Variants in LBX2 observed in about 807,000 individuals in gnomAD.
LBX2 encodes the protein ladybird homeobox 2.
LBX2 carries 6 observed loss-of-function variants against 7.5 expected under a neutral mutation model. The ratio of observed to expected loss-of-function variants is 0.80; its 90% CI spans 0.44 to 1.59. The LOEUF (loss-of-function observed/expected upper bound fraction) is 1.59, where lower values mean the gene tolerates loss of function less well. LBX2 is among the 40% of genes most tolerant of loss of function. The pLI is 0.01. For missense variants in LBX2, 281 were observed against 282.0 expected (o/e 1.00, Z 0.03); for synonymous variants, 143 against 133.2 (o/e 1.07, Z -0.51).
chr2:74,502,385 A>C, upstream of LBX2: 2 of 464,140 alleles, frequency 4.3e-6, no homozygotes, highest in Non-Finnish European at 3.8e-6. This position sits in a 1 kb window ranked among gnomAD's most constrained non-coding sequence, Gnocchi z 5.4. Flanking sequence ...CGGACATTCC[A>C]CTGAATTCTG....
At chr2:74,498,905 C>T (rs1331118319) in intron 1 of LBX2, 1 of 222,364 alleles carries the variant, frequency 4.5e-6, no homozygotes, top group African/African-American at 2.3e-5. Context: ...TCCTTGACTC[C>T]CCTCGAGAAG....
Position 74,497,873 on chromosome 2 carries a change from C to G in LBX2, c.*54G>C. 1 of 1,473,530 alleles carries G rather than the reference C, an allele frequency of 6.8e-7. No individual in the cohort carries two copies. The highest frequency in any genetic ancestry group is 1.4e-5 in the African/African-American group (1 of 70,688). 91.3% of individuals were successfully genotyped at this position (1,473,530 alleles called of 1,614,324 possible). ...CCTGGAACTCTGGCCAGAGGCAGAG[C>G]GCGAGGTGAGGAGTCCAGGGCCCCA... On this transcript the variant is annotated 3_prime_UTR_variant, in exon 2 of 2. Transcript: ENST00000377566.
intron 1 of LBX2, 109 bp from the exon 2 acceptor site, chr2:74,498,427 A>T: frequency 1.2e-6 from 1 of 822,658 alleles, no homozygotes; most frequent in Non-Finnish European, 1.8e-6. Context: ...AAGTAGAGGG[A>T]GAGCCAGGAA....
rs1034594973 is a variant in LBX2, at chr2:74,499,159, G to A, written c.205+174C>T. On this transcript the variant is annotated intron_variant, in intron 1 of 1. Transcript: ENST00000377566. The surrounding 1 kb of genome is among the most constrained non-coding windows in gnomAD (Gnocchi z 4.6). ...TTCCGGAGCCGCCGCGGAACCTAGG[G>A]ACTAACGGAGGAGAGGTGAGAAGTC... 3 of 641,538 alleles carry A rather than the reference G, an allele frequency of 4.7e-6. No individual in the cohort carries two copies. Among genetic ancestry groups the A allele is most frequent in the African/African-American group, 3.7e-5 (2 of 54,762 alleles). 39.7% of individuals were successfully genotyped at this position (641,538 alleles called of 1,614,324 possible).
chr2:74,502,064 C>T (rs1162278523), upstream of LBX2: 2 of 151,798 alleles, frequency 1.3e-5, no homozygotes, highest in East Asian at 1.9e-4. The surrounding 1 kb of genome is among the most constrained non-coding windows in gnomAD (Gnocchi z 5.4). Context: ...CTTGTGTTTC[C>T]CACCTTCTCA....
In LBX2 at chr2:74,498,163, G is replaced by A. The variant is rs780491779; in HGVS notation, c.361C>T (p.Arg121Ter). 2.0e-5 allele frequency: 33 copies of A among 1,612,398 alleles called. No homozygotes were observed. Among genetic ancestry groups the A allele is most frequent in the African/African-American group, 2.7e-5 (2 of 74,950 alleles). Residue 121 changes from arginine to a stop codon, truncating the protein, a stop_gained, in exon 2 of 2, where the codon CGA (arginine) becomes TGA (stop). Transcript: ENST00000377566. LOFTEE classifies it low-confidence loss of function (END_TRUNC). ...ACCTGCGCGTTGGCCAGGCCGAGTC[G>A]CGTAGCTAGCCCGTCTCGCTCGGAC... ...APSERDGLATRLGLANAQVVT... is the reference protein window; with the variant it reads ...APSERDGLAT
chr2:74,498,553 G>T (rs1572972679), intron 1 of LBX2: 2 of 556,542 alleles, frequency 3.6e-6, no homozygotes, highest in East Asian at 6.0e-5. Flanking sequence ...AGGGCATATT[G>T]TAGGGGCAAG....
rs199935347 is a variant in LBX2 at position 74,497,588 on chromosome 2, T to TA, written c.*338dup. 2,014 of 206,420 alleles carry TA rather than the reference T, an allele frequency of 9.8e-3. No individual in the cohort carries two copies. Among genetic ancestry groups the TA allele is most frequent in the Middle Eastern group, 0.022 (13 of 588 alleles). 12.8% of individuals were successfully genotyped at this position (206,420 alleles called of 1,614,324 possible). ...GGACAACATAGCGGGACCTCCTCTCTAAAAAAAAAAGTTTTTTAAATTAGC... is the reference window on the plus strand; with the variant it reads ...GGACAACATAGCGGGACCTCCTCTCTAAAAAAAAAAAGTTTTTTAAATTAGC... On this transcript the variant is annotated 3_prime_UTR_variant, in exon 2 of 2. Transcript: ENST00000377566.
At chr2:74,498,396 T>G in intron 1 of LBX2, 78 bp from the exon 2 acceptor site, 3 of 1,237,814 alleles carry the variant, frequency 2.4e-6, no homozygotes, top group Middle Eastern at 2.9e-4. Flanking sequence ...GGGGGTGGGG[T>G]CGGGCCGGTG....
chr2:74,502,882 A>G (rs777326509), upstream of LBX2: 14 of 1,575,294 alleles, frequency 8.9e-6, no homozygotes, highest in South Asian at 1.6e-4. This position sits in a 1 kb window ranked among gnomAD's most constrained non-coding sequence, Gnocchi z 5.4. Context: ...AAGACTGGCC[A>G]GGCTGAGAGA....
chr2:74,502,127 TG>T (rs1162674144), upstream of LBX2: 1 of 153,470 alleles, frequency 6.5e-6, no homozygotes, highest in African/African-American at 2.4e-5. The surrounding 1 kb of genome is among the most constrained non-coding windows in gnomAD (Gnocchi z 5.4). Flanking sequence ...TCCCTCCCCT[TG>T]TAGAGATCCC....
At chr2:74,499,986 G>C (rs1263734841), upstream of LBX2, among the ~76,000 whole-genome samples, 1 of 152,172 alleles carries the variant, frequency 6.6e-6, no homozygotes, top group African/African-American at 2.4e-5. The surrounding 1 kb of genome is among the most constrained non-coding windows in gnomAD (Gnocchi z 4.6). Context: ...TCTGAGGAAG[G>C]CTATCAGGGC....
chr2:74,498,910 G>A (rs1397365988), intron 1 of LBX2: 1 of 226,042 alleles, frequency 4.4e-6, no homozygotes, highest in African/African-American at 2.3e-5. Context: ...GACTCCCCTC[G>A]AGAAGAGAGT....
At chr2:74,500,928 C>T (rs1646289132), upstream of LBX2, among the ~76,000 whole-genome samples, 1 of 152,180 alleles carries the variant, frequency 6.6e-6, no homozygotes, top group South Asian at 2.1e-4. Context: ...ATGTCACTTT[C>T]CTTGTAGACC....
At chr2:74,502,308 AC>A (rs984713685), upstream of LBX2, 1 of 271,876 alleles carries the variant, frequency 3.7e-6, no homozygotes, top group Non-Finnish European at 6.9e-6. This position sits in a 1 kb window ranked among gnomAD's most constrained non-coding sequence, Gnocchi z 5.4. Flanking sequence ...CCCCCGCTCG[AC>A]CCCGTTCCCC....
At chr2:74,498,739 T>C (rs756657891) in intron 1 of LBX2, 39 of 211,710 alleles carry the variant, frequency 1.8e-4, no homozygotes, top group Non-Finnish European at 3.3e-4. Flanking sequence ...ACTTAGATCA[T>C]GCCCTTCCAT....
At chr2:74,499,797 C>T, upstream of LBX2, 1 of 561,856 alleles carries the variant, frequency 1.8e-6, no homozygotes, top group Non-Finnish European at 3.2e-6. This position sits in a 1 kb window ranked among gnomAD's most constrained non-coding sequence, Gnocchi z 4.6. Context: ...AACTACCCAC[C>T]AGAGCAGGGC....
chr2:74,499,984 A>G (rs1674451251), upstream of LBX2, among the ~76,000 whole-genome samples: 1 of 152,168 alleles, frequency 6.6e-6, no homozygotes, highest in Admixed American at 6.5e-5. This position sits in a 1 kb window ranked among gnomAD's most constrained non-coding sequence, Gnocchi z 4.6. Context: ...GTTCTGAGGA[A>G]GGCTATCAGG....
At chr2:74,499,661 TC>T, upstream of LBX2, 1 of 1,027,828 alleles carries the variant, frequency 9.7e-7, no homozygotes, top group Non-Finnish European at 1.4e-6. The surrounding 1 kb of genome is among the most constrained non-coding windows in gnomAD (Gnocchi z 4.6). Flanking sequence ...TGGGCCCGAG[TC>T]CCGTGTGCCC....
Sources: allele counts gnomAD v4.1 joint callset (sites outside exome capture counted in the v4.1 genomes callset), GRCh38; gene constraint gnomAD v4.1.1; non-coding constraint Gnocchi (gnomAD v3.1); transcripts MANE v1.5; gene names NCBI Gene and HGNC (gene_info 2026-07-23, HGNC 2026-07-21).